The following NFIA variants were observed in gnomAD, a reference collection of about 807,000 sequenced individuals.
The protein encoded by NFIA is nuclear factor I A.
A neutral mutation model predicts 62.8 loss-of-function variants in NFIA; 8 were observed. That is an observed-to-expected ratio of 0.13 (90% confidence interval 0.07 to 0.23). The LOEUF (loss-of-function observed/expected upper bound fraction) is 0.23, where lower values mean the gene tolerates loss of function less well. Ranked by LOEUF, NFIA falls within the 10% of genes least tolerant of loss-of-function variation. The probability of loss-of-function intolerance (pLI) is 1.00; values close to 1 mark genes in which losing one functional copy is unlikely to be tolerated. For missense variants in NFIA, 410 were observed against 642.1 expected (o/e 0.64, Z 3.91); for synonymous variants, 235 against 238.1 (o/e 0.99, Z 0.12).
At chr1:61,405,535 C>T (rs1228699748) in intron 8 of NFIA, among the ~76,000 whole-genome samples, 4 of 152,076 alleles carry the variant, frequency 2.6e-5, no homozygotes, top group African/African-American at 7.2e-5. Flanking sequence ...CTCCTTCAAC[C>T]GAATTTTGAT....
chr1:61,084,029 G>A (rs1646173540), intron 1 of NFIA, among the ~76,000 whole-genome samples: 1 of 151,912 alleles, frequency 6.6e-6, no homozygotes, highest in African/African-American at 2.4e-5. Flanking sequence ...GTGGTTTTGC[G>A]CTATTTTTTT....
chr1:61,268,152 C>A (rs1482353880), intron 2 of NFIA, among the ~76,000 whole-genome samples: 1 of 152,190 alleles, frequency 6.6e-6, no homozygotes, highest in East Asian at 1.9e-4. Context: ...ACTCCATACA[C>A]AATCCTGTTT....
chr1:61,358,379 C>CTTTCTTTTTTT lies in NFIA; in HGVS notation c.819-765_819-764insCTTTTTTTTTT, dbSNP rs71582639. On this transcript the variant is annotated intron_variant, in intron 5 of 10. Coordinates refer to ENST00000403491, the MANE Select transcript of NFIA (RefSeq NM_001134673.4). ...TCATTTTCTTTTCTTTTCTTTCTTT[C>CTTTCTTTTTTT]TTTTTTTTTTTTTTTTTTTTTTTTT... Among the ~76,000 whole-genome samples, 64 of 52,624 alleles carry CTTTCTTTTTTT rather than the reference C, an allele frequency of 1.2e-3. 4 individuals are homozygous for CTTTCTTTTTTT. Among genetic ancestry groups the CTTTCTTTTTTT allele is most frequent in the African/African-American group, 3.5e-3 (41 of 11,838 alleles). The allele number at this position is 52,624 out of a possible 152,430, so 34.5% of individuals were successfully genotyped here.
chr1:61,417,333 T>C (rs1239470820), intron 9 of NFIA, among the ~76,000 whole-genome samples: 5 of 146,702 alleles, frequency 3.4e-5, no homozygotes, highest in African/African-American at 7.6e-5. Flanking sequence ...ATATAATATC[T>C]AGTATGCCAT....
At chr1:61,124,034 A>C (rs915982935) in intron 2 of NFIA, among the ~76,000 whole-genome samples, 1 of 152,218 alleles carries the variant, frequency 6.6e-6, no homozygotes, top group South Asian at 2.1e-4. Flanking sequence ...GAGTTGCTTC[A>C]GTGTTCTAGG....
intron 2 of NFIA, among the ~76,000 whole-genome samples, chr1:61,222,724 C>T (rs1570407516): frequency 6.6e-6 from 1 of 152,064 alleles, no homozygotes; most frequent in East Asian, 1.9e-4. Flanking sequence ...TTAGAATACT[C>T]CTTTAGAGTA....
At position 61,233,244 on chromosome 1, in the gene NFIA, C is replaced by T. The variant is rs139781101; in HGVS notation, c.560-44276C>T. Among the ~76,000 whole-genome samples the T allele has an allele frequency of 8.5e-5, 13 of 152,204 alleles. No homozygotes were observed. The East Asian group carries it at 2.1e-3, about 25-fold the overall frequency. On this transcript the variant is annotated intron_variant, in intron 2 of 10. Coordinates refer to ENST00000403491, the MANE Select transcript of NFIA (RefSeq NM_001134673.4). ...AATTATTCTCAAACTATTGTGTGCA[C>T]AAAAATCACTTGGAAAGAATTGTTA...
At position 61,410,548 on chromosome 1, in the gene NFIA, T is replaced by G. The variant is rs558724326; in HGVS notation, c.1420+3821T>G. 2.0e-5 allele frequency among the ~76,000 whole-genome samples: 3 copies of G among 152,326 alleles called. No individual in the cohort carries two copies. In the South Asian group the frequency reaches 6.2e-4, roughly 32 times the overall value. On this transcript the variant is annotated intron_variant, in intron 9 of 10. Transcript: ENST00000403491. ...GTTCTCAAAAATGTAAACTGTATGA[T>G]GTAAAACAGCCTTTTCTATTTAGGA...
intron 2 of NFIA, among the ~76,000 whole-genome samples, chr1:61,129,084 G>A (rs1202921542): frequency 1.3e-5 from 2 of 151,420 alleles, no homozygotes; most frequent in Non-Finnish European, 2.9e-5. Flanking sequence ...CACCACGCCC[G>A]GCTAATTTTT....
rs534381778 is a variant in NFIA at position 61,446,197 on chromosome 1, G to A, written c.1513-9106G>A. 5.9e-5 allele frequency among the ~76,000 whole-genome samples: 9 copies of A among 152,282 alleles called. No homozygotes were observed. In the South Asian group the frequency reaches 6.2e-4, roughly 11 times the overall value. Reference sequence around the variant, plus strand: ...GGACTTGAACCAGGCCACCAGACCCGCAGTCCAGTGCTTAACTATCTTTTC... The same window carrying A: ...GGACTTGAACCAGGCCACCAGACCCACAGTCCAGTGCTTAACTATCTTTTC... On this transcript the variant is annotated intron_variant, in intron 10 of 10. Coordinates refer to ENST00000403491, the MANE Select transcript of NFIA (RefSeq NM_001134673.4).
intron 9 of NFIA, among the ~76,000 whole-genome samples, chr1:61,422,550 G>C (rs1287401028): frequency 6.6e-6 from 1 of 152,026 alleles, no homozygotes; most frequent in African/African-American, 2.4e-5. Flanking sequence ...ACAAAAACTG[G>C]AATTTGTTTG....
intron 2 of NFIA, among the ~76,000 whole-genome samples, chr1:61,210,283 A>G (rs1219233462): frequency 1.3e-5 from 2 of 152,230 alleles, no homozygotes; most frequent in Non-Finnish European, 2.9e-5. Context: ...TGCCCCTGTG[A>G]TAGGTAGCAA....
intron 2 of NFIA, among the ~76,000 whole-genome samples, chr1:61,266,316 C>A (rs1389769844): frequency 6.6e-6 from 1 of 151,968 alleles, no homozygotes; most frequent in African/African-American, 2.4e-5. Context: ...CCAAGAGAGA[C>A]CCTATTGTAT....
intron 9 of NFIA, among the ~76,000 whole-genome samples, chr1:61,421,075 A>G (rs2499535): frequency 0.11 from 16,448 of 152,068 alleles, 1,639 homozygotes; most frequent in African/African-American, 0.27. Context: ...CTGTCAACCA[A>G]CACATCTTTC....
intron 3 of NFIA, among the ~76,000 whole-genome samples, chr1:61,305,755 G>C (rs188036640): frequency 3.2e-4 from 49 of 152,116 alleles, no homozygotes; most frequent in Admixed American, 1.7e-3. Context: ...TCTGAGGCTT[G>C]GTTAGTAAAA....
intron 5 of NFIA, among the ~76,000 whole-genome samples, chr1:61,353,681 T>G (rs951433313): frequency 2.0e-5 from 3 of 152,044 alleles, no homozygotes; most frequent in African/African-American, 7.2e-5. Flanking sequence ...ATCACTACTT[T>G]AAAAAAAAGA....
chr1:61,206,851 C>A (rs866705251), intron 2 of NFIA, among the ~76,000 whole-genome samples: 1 of 152,154 alleles, frequency 6.6e-6, no homozygotes, highest in Non-Finnish European at 1.5e-5. Context: ...CACATACAGT[C>A]ACATTCAAAC....
chr1:61,334,555 GTATA>G (rs56259392), intron 4 of NFIA, among the ~76,000 whole-genome samples: 2,122 of 97,326 alleles, frequency 0.022, 214 homozygotes, highest in South Asian at 0.051. Context: ...GTGTGTGTGT[GTATA>G]TATATATATA....
In NFIA at chr1:61,168,543, A is replaced by G. The variant is rs567020208; in HGVS notation, c.559+79863A>G. Among the ~76,000 whole-genome samples, 14 of 152,330 alleles carry G rather than the reference A, an allele frequency of 9.2e-5. No individual in the cohort carries two copies. The South Asian group carries it at 2.9e-3, about 32-fold the overall frequency. On this transcript the variant is annotated intron_variant, in intron 2 of 10. Coordinates refer to ENST00000403491, the MANE Select transcript of NFIA (RefSeq NM_001134673.4). ...TTGTTTGTTTGGAATTTCTTAAAGG[A>G]ATTAGCTTCAGTTTCCTAAACTAGA... is the stretch of plus-strand genomic sequence containing the variant.
Sources: gnomAD v4.1 joint callset for allele counts (sites outside exome capture counted in the v4.1 genomes callset) on GRCh38, gnomAD v4.1.1 for gene constraint, MANE v1.5 for transcripts, NCBI Gene and HGNC (gene_info 2026-07-23, HGNC 2026-07-21) for gene names.